Variants in TMEM135 observed in about 807,000 individuals in gnomAD.
TMEM135 encodes peroxisomal membrane protein 52.
Under a neutral mutation model 60.3 loss-of-function variants are expected in TMEM135, and 30 were observed. The ratio of observed to expected loss-of-function variants is 0.50; its 90% CI spans 0.37 to 0.68. TMEM135 has a LOEUF of 0.68. TMEM135 is among the 30% of genes least tolerant of loss of function. TMEM135 has a pLI of 0.00. For synonymous variants in TMEM135, 190 were observed against 186.7 expected, an observed-to-expected ratio of 1.02 and a Z score of -0.14; for missense variants, 468 against 548.8, an observed-to-expected ratio of 0.85 and a Z score of 1.47.
intron 4 of TMEM135, among the ~76,000 whole-genome samples, chr11:87,098,896 G>C (rs1205273838): frequency 6.6e-6 from 1 of 152,162 alleles, no homozygotes; most frequent in East Asian, 1.9e-4. Context: ...CACCATGTCA[G>C]CCAGGATGGT....
rs368226739 is a variant in TMEM135 at position 87,157,337 on chromosome 11, A to C, written c.397-4A>C. 4.3e-6 allele frequency: 7 copies of C among 1,610,730 alleles called. No homozygotes were observed. Among genetic ancestry groups the C allele is most frequent in the Non-Finnish European group, 5.9e-6 (7 of 1,178,512 alleles). On this transcript the variant is annotated splice_polypyrimidine_tract_variant and splice_region_variant and intron_variant, in intron 4 of 14. Coordinates refer to ENST00000305494, the MANE Select transcript of TMEM135 (RefSeq NM_022918.4). Reference sequence around the variant, plus strand: ...TTTTGCTGTTTTTTTTTTTTAATTTACAGGCCACAGAAACACTATTCAGAA... The same window carrying C: ...TTTTGCTGTTTTTTTTTTTTAATTTCCAGGCCACAGAAACACTATTCAGAA...
In TMEM135 at chr11:87,098,559, G is replaced by T. The variant is rs1857382556; in HGVS notation, c.396+7164G>T. Among the ~76,000 whole-genome samples the T allele has an allele frequency of 4.6e-5, 7 of 151,538 alleles. 1 individual carries two copies. On this transcript the variant is annotated intron_variant, in intron 4 of 14. Transcript: ENST00000305494. ...AATCCAGAAAAATAAATAACTTGAA[G>T]AAATCATCTACTTTAAAATGATAAA...
chr11:87,259,027 G>T, intron 6 of TMEM135: 7 of 1,510,882 alleles, frequency 4.6e-6, no homozygotes, highest in Middle Eastern at 2.0e-4. Context: ...AATCCACACG[G>T]CTGCCCTGGG....
At chr11:87,154,071 A>G (rs1002466588) in intron 4 of TMEM135, among the ~76,000 whole-genome samples, 1 of 152,160 alleles carries the variant, frequency 6.6e-6, no homozygotes, top group Non-Finnish European at 1.5e-5. Context: ...GTTCACTACT[A>G]CTATCCATCT....
intron 6 of TMEM135, among the ~76,000 whole-genome samples, chr11:87,248,614 A>G (rs1467476995): frequency 7.9e-6 from 1 of 125,814 alleles, no homozygotes; most frequent in Non-Finnish European, 1.7e-5. Flanking sequence ...TTGTGGTTCC[A>G]TATAAATTAT....
At chr11:87,103,172 T>C (rs1044729530) in intron 4 of TMEM135, among the ~76,000 whole-genome samples, 2 of 152,210 alleles carry the variant, frequency 1.3e-5, no homozygotes, top group Non-Finnish European at 2.9e-5. Context: ...GATTTCACTT[T>C]CTTTGGATAC....
At chr11:87,222,813 G>A (rs3018294) in intron 5 of TMEM135, among the ~76,000 whole-genome samples, 9,588 of 148,738 alleles carry the variant, frequency 0.064, 385 homozygotes, top group South Asian at 0.12. Flanking sequence ...CAAAAAAAAA[G>A]AAAGAAAGAA....
At chr11:87,286,373 G>GTACT (rs1483817697) in intron 6 of TMEM135, among the ~76,000 whole-genome samples, 1 of 152,184 alleles carries the variant, frequency 6.6e-6, no homozygotes, top group East Asian at 1.9e-4. Flanking sequence ...TAGACACAGA[G>GTACT]TACTGATTGG....
chr11:87,123,363 C>G (rs1445656586), intron 4 of TMEM135, among the ~76,000 whole-genome samples: 1 of 152,154 alleles, frequency 6.6e-6, no homozygotes, highest in East Asian at 1.9e-4. Flanking sequence ...ATAGCCGCAT[C>G]ATTCTAATCT....
chr11:87,105,148 C>G (rs531500533), intron 4 of TMEM135, among the ~76,000 whole-genome samples: 1 of 152,284 alleles, frequency 6.6e-6, no homozygotes, highest in South Asian at 2.1e-4. Context: ...TTGTCTGCAT[C>G]TCTTGAGATG....
chr11:87,236,314 C>A (rs942940703), intron 5 of TMEM135, among the ~76,000 whole-genome samples: 1 of 151,724 alleles, frequency 6.6e-6, no homozygotes, highest in Non-Finnish European at 1.5e-5. Context: ...GAAAAATTGT[C>A]TTGGGCCATA....
Position 87,325,504 on chromosome 11 carries a change from C to T in TMEM135, c.*4171C>T, listed in dbSNP as rs61911675. On this transcript the variant is annotated 3_prime_UTR_variant, in exon 15 of 15. Coordinates refer to ENST00000305494, the MANE Select transcript of TMEM135 (RefSeq NM_022918.4). ...TTTTATGTGGGCTCTCTCTCTCTCC[C>T]TCTCTCTCTCTCTCTGTCTGTCTCT... 5.2e-6 allele frequency: 1 copy of T among 191,330 alleles called. No homozygotes were observed. Among genetic ancestry groups the T allele is most frequent in the South Asian group, 7.5e-5 (1 of 13,300 alleles). 11.9% of individuals were successfully genotyped at this position (191,330 alleles called of 1,614,324 possible). A position where few individuals can be genotyped will look rare whatever the true frequency, so the allele number is the denominator to read the frequency against.
chr11:87,138,682 A>G (rs1938178277), intron 4 of TMEM135, among the ~76,000 whole-genome samples: 1 of 152,230 alleles, frequency 6.6e-6, no homozygotes, highest in Admixed American at 6.5e-5. Flanking sequence ...ATTAGTTACT[A>G]TATAGTATGA....
chr11:87,080,987 A>G (rs1203303140), intron 3 of TMEM135, among the ~76,000 whole-genome samples: 4 of 152,020 alleles, frequency 2.6e-5, no homozygotes, highest in Non-Finnish European at 4.4e-5. Context: ...CGCCTGGCCT[A>G]TTTTTATTTG....
chr11:87,224,761 T>G (rs1324170860), intron 5 of TMEM135, among the ~76,000 whole-genome samples: 3 of 470 alleles, frequency 6.4e-3, no homozygotes, highest in Non-Finnish European at 0.033. Flanking sequence ...ACATGTGAGT[T>G]TTTTTTTTTT....
Position 87,286,513 on chromosome 11 carries a change from C to T in TMEM135, c.510-9269C>T, listed in dbSNP as rs554548947. On this transcript the variant is annotated intron_variant, in intron 6 of 14. Transcript: ENST00000305494. ...GGAGCTGCCTGCCAGTCCCGTGCTGCGCGCCTGCACTACTCAGCCCTTAGG... is the reference window on the plus strand; with the variant it reads ...GGAGCTGCCTGCCAGTCCCGTGCTGTGCGCCTGCACTACTCAGCCCTTAGG... Among the ~76,000 whole-genome samples, 11 of 152,362 alleles carry T rather than the reference C, an allele frequency of 7.2e-5. 1 individual carries two copies. The South Asian group carries it at 8.3e-4, about 11-fold the overall frequency.
intron 5 of TMEM135, among the ~76,000 whole-genome samples, chr11:87,170,473 T>C (rs1309996343): frequency 6.6e-6 from 1 of 152,214 alleles, no homozygotes; most frequent in Non-Finnish European, 1.5e-5. Context: ...GGTTTCTGTG[T>C]GGACATCCTT....
chr11:87,155,867 A>G (rs1439452905), intron 4 of TMEM135, among the ~76,000 whole-genome samples: 1 of 152,200 alleles, frequency 6.6e-6, no homozygotes, highest in Non-Finnish European at 1.5e-5. Flanking sequence ...AAGCCTTATG[A>G]TTCTAACATC....
chr11:87,071,115 G>T (rs1000511556), intron 2 of TMEM135, among the ~76,000 whole-genome samples: 1 of 152,176 alleles, frequency 6.6e-6, no homozygotes, highest in Non-Finnish European at 1.5e-5. Context: ...TTACTGAAAG[G>T]AGTGTTACCC....
Sources: gnomAD v4.1 joint callset for allele counts (sites outside exome capture counted in the v4.1 genomes callset) on GRCh38, gnomAD v4.1.1 for gene constraint, MANE v1.5 for transcripts, NCBI Gene and HGNC (gene_info 2026-07-23, HGNC 2026-07-21) for gene names.